The following PKD1 variants were observed in gnomAD, a reference collection of about 807,000 sequenced individuals.
The protein encoded by PKD1 is polycystin 1, transient receptor potential channel interacting, also known as polycystin-1.
Under a neutral mutation model 361.7 loss-of-function variants are expected in PKD1, and 81 were observed. The observed-to-expected ratio is 0.22, with a 90% CI of 0.19 to 0.27. PKD1 has a LOEUF of 0.27. PKD1 is among the 10% of genes least tolerant of loss of function. PKD1 has a pLI of 1.00. For missense variants in PKD1, 6,399 were observed against 6,118.3 expected, an observed-to-expected ratio of 1.05 and a Z score of -1.53; for synonymous variants, 3,615 against 2,818.3, an observed-to-expected ratio of 1.28 and a Z score of -8.95.
At position 2,093,518 on chromosome 16, in the gene PKD1, G is replaced by A. The variant is rs1223478351; in HGVS notation, c.11016+26C>T. On this transcript the variant is annotated intron_variant, in intron 37 of 45. Transcript: ENST00000262304. ...TGGGAGACAAGAGACGGAGGTGGCA[G>A]GGGCACAGGCCGCACCCAGGCTCAC... 6.3e-6 allele frequency: 10 copies of A among 1,578,362 alleles called. 2 individuals are homozygous for A. The South Asian group carries it at 1.0e-4, about 16-fold the overall frequency.
chr16:2,097,531 C>G (rs1469758547), intron 32 of PKD1, 28 bp from the exon 33 acceptor site: 2 of 1,602,156 alleles, frequency 1.2e-6, no homozygotes, highest in African/African-American at 1.3e-5. Flanking sequence ...CAGCAAGGTA[C>G]CAGGGGATGT....
chr16:2,129,234 A>C (rs1366606687), intron 1 of PKD1, among the ~76,000 whole-genome samples: 2 of 148,764 alleles, frequency 1.3e-5, no homozygotes, highest in East Asian at 4.0e-4. Flanking sequence ...ATCACAGCTA[A>C]CTGCAGTCTC....
At chr16:2,115,338 G>C (rs1313305690) in intron 10 of PKD1, 40 bp downstream of exon 10, 24 of 1,463,962 alleles carry the variant, frequency 1.6e-5, no homozygotes, top group Non-Finnish European at 2.1e-5. Flanking sequence ...AAGGTGGCCT[G>C]AGGAGATGCA....
chr16:2,107,579 G>A (rs376278357), intron 16 of PKD1: 2 of 492,718 alleles, frequency 4.1e-6, no homozygotes, highest in East Asian at 3.8e-5. Context: ...CAGCAACAGG[G>A]ACATGGGCTG....
At position 2,118,024 on chromosome 16, in the gene PKD1, T is replaced by C. The variant is rs751148776; in HGVS notation, c.968A>G (p.His323Arg). 34 of 1,597,946 alleles carry C rather than the reference T, an allele frequency of 2.1e-5. No individual in the cohort carries two copies. The highest frequency in any genetic ancestry group is 6.7e-5 in the Admixed American group (4 of 59,794). ...EVDAAGPAAS[H>R]RYVLPGRYHV... ...ATAGCGCCCAGGCAGCACATAGCGA[T>C]GCGAGGCAGCCGGCCCAGCGGCATC... Residue 323 changes from histidine (H) to arginine (R), a missense_variant, in exon 5 of 46, where the codon CAT (histidine) becomes CGT (arginine). By Grantham distance (29) the His-to-Arg change is conservative. Coordinates refer to ENST00000262304, the MANE Select transcript of PKD1 (RefSeq NM_001009944.3). This position sits in a 1 kb window ranked among gnomAD's most constrained non-coding sequence, Gnocchi z 6.0.
intron 42 of PKD1, 114 bp downstream of exon 42, chr16:2,091,309 A>ACGCTGCGAGGGGGCGGGG (rs1339995214): frequency 1.7e-4 from 47 of 277,166 alleles, no homozygotes; most frequent in Middle Eastern, 1.7e-3. Flanking sequence ...AGGGGGCGGG[A>ACGCTGCGAGGGGGCGGGG]CGCTGCGAGG....
In PKD1 at chr16:2,102,049, T is replaced by C. The variant is rs3874653; in HGVS notation, c.9397+12A>G. On this transcript the variant is annotated intron_variant, in intron 26 of 45. Coordinates refer to ENST00000262304, the MANE Select transcript of PKD1 (RefSeq NM_001009944.3). ...AGCAGGGGAGGCCCTGCCACCCCGCTGCGCCCCTCACCTGAGCCCCGGCCC... is the reference window on the plus strand; with the variant it reads ...AGCAGGGGAGGCCCTGCCACCCCGCCGCGCCCCTCACCTGAGCCCCGGCCC... The C allele has an allele frequency of 7.6e-5, 116 of 1,529,712 alleles. No individual in the cohort carries two copies. Among genetic ancestry groups the C allele is most frequent in the African/African-American group, 4.5e-4 (32 of 71,800 alleles). 94.8% of individuals were successfully genotyped at this position (1,529,712 alleles called of 1,614,324 possible). A position where few individuals can be genotyped will look rare whatever the true frequency, so the allele number is the denominator to read the frequency against.
Position 2,117,051 on chromosome 16 carries a change from C to T in PKD1, c.1388G>A (p.Ser463Asn), listed in dbSNP as rs1275998000. 8.9e-6 allele frequency: 14 copies of T among 1,567,608 alleles called. No homozygotes were observed. The East Asian group carries it at 1.8e-4, about 20-fold the overall frequency. Residue 463 changes from serine (S) to asparagine (N), a missense_variant and splice_region_variant, in exon 7 of 46, where the codon AGC becomes AAC. Ser to Asn is a conservative substitution (Grantham distance 46). Transcript: ENST00000262304. The part of the protein sequence containing the change: ...QRFLVSRVTR[S>N]LDVWIGFSTV... ...CGAGAAGCCGATCCACACGTCTAGG[C>T]TCCTGGGGGCGGGTGTGGGATGGCA...
chr16:2,096,081 C>T (rs1480982665), intron 34 of PKD1, among the ~76,000 whole-genome samples: 2 of 152,258 alleles, frequency 1.3e-5, no homozygotes, highest in Non-Finnish European at 2.9e-5. Context: ...GAATAACACA[C>T]AAATCAAACT....
chr16:2,117,196 A>G lies in PKD1; in HGVS notation c.1386-143T>C, dbSNP rs993259725. 7.8e-5 allele frequency: 50 copies of G among 639,376 alleles called. No homozygotes were observed. In the African/African-American group the frequency reaches 7.9e-4, roughly 10 times the overall value. The allele number at this position is 639,376 out of a possible 1,614,324, so 39.6% of individuals were successfully genotyped here. On this transcript the variant is annotated intron_variant, in intron 6 of 45. Coordinates refer to ENST00000262304, the MANE Select transcript of PKD1 (RefSeq NM_001009944.3). Reference sequence around the variant, plus strand: ...CAGAGCCCGGAGACCAGGGCCCACCAGCCCAGGCTCACAGCAGCACCCACC... The same window carrying G: ...CAGAGCCCGGAGACCAGGGCCCACCGGCCCAGGCTCACAGCAGCACCCACC...
At position 2,111,257 on chromosome 16, in the gene PKD1, A is replaced by G. The variant is rs1159751542; in HGVS notation, c.3910T>C (p.Cys1304Arg). The G allele has an allele frequency of 6.2e-7, 1 of 1,610,124 alleles. No individual in the cohort carries two copies. The highest frequency in any genetic ancestry group is 8.5e-7 in the Non-Finnish European group (1 of 1,179,590). ...LEVLRVEPAACIPTQPDARLT... is the reference protein window; with the variant it reads ...LEVLRVEPAARIPTQPDARLT... Reference sequence around the variant, plus strand: ...CGCGCGTCAGGCTGCGTGGGGATGCAGGCGGCGGGTTCAACGCGCAGCACC... The same window carrying G: ...CGCGCGTCAGGCTGCGTGGGGATGCGGGCGGCGGGTTCAACGCGCAGCACC... The change falls in exon 15 of 46, where the codon TGC (cysteine) becomes CGC (arginine). Residue 1304 changes from cysteine to arginine, a missense_variant. Physicochemically the swap from Cys to Arg is radical, Grantham distance 180 (BLOSUM62 -3). Transcript: ENST00000262304.
chr16:2,118,694 A>C lies in PKD1; in HGVS notation c.511T>G (p.Leu171Val), dbSNP rs1001295669. The change falls in exon 4 of 46, where the codon TTG (leucine) becomes GTG (valine). Residue 171 changes from leucine to valine, a missense_variant. Coordinates refer to ENST00000262304, the MANE Select transcript of PKD1 (RefSeq NM_001009944.3). This position sits in a 1 kb window ranked among gnomAD's most constrained non-coding sequence, Gnocchi z 6.0. ...CACTCACCACAGCCACTGTCCAGCA[A>C]GGGGATGCCAAGCAGAGGCTGGCCA... Reference protein sequence around the residue: ...LAGQPLLGIPLLDSGCGEEYV... With the variant: ...LAGQPLLGIPVLDSGCGEEYV... The C allele has an allele frequency of 2.0e-6, 3 of 1,474,232 alleles. No homozygotes were observed. Among genetic ancestry groups the C allele is most frequent in the Non-Finnish European group, 9.2e-7 (1 of 1,086,142 alleles). The allele number at this position is 1,474,232 out of a possible 1,614,324, so 91.3% of individuals were successfully genotyped here. A position where few individuals can be genotyped will look rare whatever the true frequency, so the allele number is the denominator to read the frequency against.
In PKD1 at chr16:2,111,137, T is replaced by C; in HGVS notation, c.4030A>G (p.Thr1344Ala). 6.2e-7 allele frequency: 1 copy of C among 1,610,966 alleles called. No individual in the cohort carries two copies. The highest frequency in any genetic ancestry group is 1.1e-5 in the South Asian group (1 of 91,002). The stretch of plus-strand genomic sequence containing the variant: ...CTCCGCGTGAAGTTGTGTGTCACCG[T>C]CGGGCACCCCCGCACGGTCGTGTTG... ...SSNTTVRGCP[T>A]VTHNFTRSGT... Residue 1344 changes from threonine to alanine, a missense_variant, in exon 15 of 46, where the codon ACG becomes GCG. Physicochemically the swap from Thr to Ala is moderately conservative, Grantham distance 58. Coordinates refer to ENST00000262304, the MANE Select transcript of PKD1 (RefSeq NM_001009944.3).
rs774610060 is a variant in PKD1, at chr16:2,114,242, C to A, written c.2781G>T (p.Thr927=). The change falls in exon 11 of 46, where the codon ACG becomes ACT. Residue 927 remains threonine (T), a synonymous_variant. Coordinates refer to ENST00000262304, the MANE Select transcript of PKD1 (RefSeq NM_001009944.3). ...ASRANLSLRV[T]AEEPICGLRA... The stretch of plus-strand genomic sequence containing the variant: ...GGAGGCCACAGATGGGCTCCTCCGC[C>A]GTCACCCGCAGGCTGAGGTTGGCCC... The A allele has an allele frequency of 2.6e-5, 42 of 1,610,022 alleles. No homozygotes were observed. The South Asian group carries it at 4.4e-4, about 17-fold the overall frequency.
chr16:2,130,203 G>C (rs969269963), intron 1 of PKD1, among the ~76,000 whole-genome samples: 8 of 152,232 alleles, frequency 5.3e-5, no homozygotes, highest in Admixed American at 2.6e-4. Context: ...CCGGCTCAGG[G>C]ACCCCGGGTG....
At chr16:2,097,604 T>C in intron 32 of PKD1, 101 bp from the exon 33 acceptor site, 1 of 1,609,928 alleles carries the variant, frequency 6.2e-7, no homozygotes, top group South Asian at 1.1e-5. Flanking sequence ...CGAGCAAACC[T>C]GCTCCCGGGT....
chr16:2,107,669 C>T (rs1289115454), intron 16 of PKD1: 5 of 630,840 alleles, frequency 7.9e-6, no homozygotes, highest in African/African-American at 1.8e-5. Context: ...GCTTTTGCCA[C>T]TAGAGCATAT....
At position 2,112,484 on chromosome 16, in the gene PKD1, G is replaced by A. The variant is rs768969567; in HGVS notation, c.3162-11C>T. 39 of 1,586,432 alleles carry A rather than the reference G, an allele frequency of 2.5e-5. No homozygotes were observed. The highest frequency in any genetic ancestry group is 1.1e-4 in the African/African-American group (8 of 74,686). ...TCCCCAAAGGTCCACCTGCCGGGGC[G>A]GTGGGACGCAGTGAGTGAACCGGGA... is the stretch of plus-strand genomic sequence containing the variant. On this transcript the variant is annotated splice_polypyrimidine_tract_variant and intron_variant, in intron 13 of 45. Coordinates refer to ENST00000262304, the MANE Select transcript of PKD1 (RefSeq NM_001009944.3).
rs748561600 is a variant in PKD1, at chr16:2,093,656, G to C, written c.10904C>G (p.Ala3635Gly). 2 of 1,608,234 alleles carry C rather than the reference G, an allele frequency of 1.2e-6. No homozygotes were observed. The highest frequency in any genetic ancestry group is 1.7e-6 in the Non-Finnish European group (2 of 1,177,678). Residue 3635 changes from alanine to glycine, a missense_variant, in exon 37 of 46, where the codon GCT becomes GGT. By Grantham distance (60) the Ala-to-Gly change is moderately conservative (BLOSUM62 0). Transcript: ENST00000262304. ...CACACGTGCGCTCACAGGCGTCACA[G>C]CCGGGCTCTCTACCAGGGTGTCATC... ...DEDDTLVESP[A>G]VTPVSARVPR...
Sources: allele counts gnomAD v4.1 joint callset (sites outside exome capture counted in the v4.1 genomes callset), GRCh38; gene constraint gnomAD v4.1.1; non-coding constraint Gnocchi (gnomAD v3.1); transcripts MANE v1.5; gene names NCBI Gene and HGNC (gene_info 2026-07-23, HGNC 2026-07-21).